The following MXI1 variants were observed in gnomAD, a reference collection of about 807,000 sequenced individuals.
The protein encoded by MXI1 is MAX interactor 1, dimerization protein, also known as max-interacting protein 1.
In MXI1, 18 loss-of-function variants were observed where a neutral mutation model predicts 36.9. The observed-to-expected ratio is 0.49, with a 90% CI of 0.34 to 0.72. MXI1 has a LOEUF of 0.72. Among genes scored for constraint, MXI1 ranks in the 30% least tolerant of loss-of-function variants. MXI1 has a pLI of 0.01. For missense variants in MXI1, 304 were observed against 379.1 expected (o/e 0.80, Z 1.64); for synonymous variants, 160 against 146.7 (o/e 1.09, Z -0.65).
intron 3 of MXI1, among the ~76,000 whole-genome samples, chr10:110,273,588 A>G (rs1856930376): frequency 6.6e-6 from 1 of 151,702 alleles, no homozygotes; most frequent in Non-Finnish European, 1.5e-5. Flanking sequence ...GTGTAGGAAA[A>G]GTAGCTAGCT....
chr10:110,224,714 C>G (rs760048978), intron 1 of MXI1, among the ~76,000 whole-genome samples: 14 of 146,188 alleles, frequency 9.6e-5, no homozygotes, highest in Non-Finnish European at 1.9e-4. Context: ...GTGGCGTGAT[C>G]TCGGCTCACT....
intron 2 of MXI1, among the ~76,000 whole-genome samples, chr10:110,242,952 C>T (rs1855728125): frequency 6.6e-6 from 1 of 151,844 alleles, no homozygotes; most frequent in Admixed American, 6.6e-5. Context: ...TTTTAGTTTT[C>T]TTCTCAGAGA....
chr10:110,222,159 A>G (rs10787226), intron 1 of MXI1, among the ~76,000 whole-genome samples: 82,056 of 151,968 alleles, frequency 0.54, 25,933 homozygotes, highest in African/African-American at 0.85. Context: ...TTGGGATGGG[A>G]GATGGAAAAA....
Position 110,212,980 on chromosome 10 carries a change from ATCCT to A in MXI1, c.274+4900_274+4903del, listed in dbSNP as rs1353291986. On this transcript the variant is annotated intron_variant, in intron 1 of 5. Transcript: ENST00000332674. ...CACACCACTGGGCATACAGTAGTAG[ATCCT>A]TAATATAAATGTTTTGATTGGTTAG... is the stretch of plus-strand genomic sequence containing the variant. 2.0e-5 allele frequency among the ~76,000 whole-genome samples: 3 copies of A among 152,180 alleles called. No individual in the cohort carries two copies. The East Asian group carries it at 5.8e-4, about 29-fold the overall frequency.
intron 2 of MXI1, among the ~76,000 whole-genome samples, chr10:110,238,874 A>G (rs1453549423): frequency 6.6e-6 from 1 of 152,194 alleles, no homozygotes; most frequent in Non-Finnish European, 1.5e-5. Context: ...TAAAGTTGTT[A>G]ATAATATTCT....
At chr10:110,248,973 T>C (rs1855971442) in intron 3 of MXI1, among the ~76,000 whole-genome samples, 1 of 152,158 alleles carries the variant, frequency 6.6e-6, no homozygotes, top group African/African-American at 2.4e-5. Flanking sequence ...GGAGGTGGTT[T>C]AGCAAGAAGG....
chr10:110,244,884 C>T (rs777473934), intron 3 of MXI1, 27 bp downstream of exon 3: 7 of 1,600,766 alleles, frequency 4.4e-6, no homozygotes, highest in Non-Finnish European at 6.0e-6. Flanking sequence ...GTACAGCTTT[C>T]ACTTACGTTT....
At chr10:110,267,800 A>G (rs1356207460) in intron 3 of MXI1, among the ~76,000 whole-genome samples, 3 of 152,238 alleles carry the variant, frequency 2.0e-5, no homozygotes, top group African/African-American at 7.2e-5. Context: ...ATTGGGTCAG[A>G]TGAATGAGGG....
intron 2 of MXI1, among the ~76,000 whole-genome samples, chr10:110,230,034 G>C (rs1285770940): frequency 6.6e-6 from 1 of 151,974 alleles, no homozygotes; most frequent in East Asian, 1.9e-4. Context: ...TCTCACCAAG[G>C]TCCCTCCTTC....
At chr10:110,211,249 C>G (rs966765961) in intron 1 of MXI1, among the ~76,000 whole-genome samples, 1 of 152,146 alleles carries the variant, frequency 6.6e-6, no homozygotes, top group African/African-American at 2.4e-5. Context: ...TGGAGACAAA[C>G]TTCTTTCCTC....
Position 110,217,756 on chromosome 10 carries a change from T to A in MXI1, c.274+9674T>A, listed in dbSNP as rs370941906. ...CTCCAGTTCCAGGTCTATCTTCTAG[T>A]TCAAATGATAGACGAATAGAAATCA... On this transcript the variant is annotated intron_variant, in intron 1 of 5. Coordinates refer to ENST00000332674, the MANE Select transcript of MXI1 (RefSeq NM_130439.3). Among the ~76,000 whole-genome samples the A allele has an allele frequency of 2.2e-4, 34 of 152,358 alleles. 1 individual carries two copies. The South Asian group carries it at 7.0e-3, about 32-fold the overall frequency.
chr10:110,226,115 T>G, intron 1 of MXI1: 1 of 1,216,094 alleles, frequency 8.2e-7, no homozygotes, highest in East Asian at 3.5e-5. Flanking sequence ...CCGTCGCACA[T>G]GTTCCGGAAC....
At chr10:110,221,824 G>A (rs1387341767) in intron 1 of MXI1, among the ~76,000 whole-genome samples, 3 of 152,078 alleles carry the variant, frequency 2.0e-5, no homozygotes, top group African/African-American at 4.8e-5. Flanking sequence ...CCCACCCCAT[G>A]TCCTTTCCCT....
chr10:110,242,795 C>T (rs78715726), intron 2 of MXI1, among the ~76,000 whole-genome samples: 2 of 152,040 alleles, frequency 1.3e-5, no homozygotes, highest in Non-Finnish European at 2.9e-5. Flanking sequence ...GCACTGATGG[C>T]TGTCAGTGGG....
rs1857417445 is a variant in MXI1, at chr10:110,285,920, A to T, written c.*933A>T. Reference sequence around the variant, plus strand: ...ACTGTTTATATGTGTTGAAAACCAAAATGACATCTTTTTAAAGCTTATCCA... The same window carrying T: ...ACTGTTTATATGTGTTGAAAACCAATATGACATCTTTTTAAAGCTTATCCA... On this transcript the variant is annotated 3_prime_UTR_variant, in exon 6 of 6. Coordinates refer to ENST00000332674, the MANE Select transcript of MXI1 (RefSeq NM_130439.3). The T allele has an allele frequency of 6.6e-6, 1 of 152,634 alleles. No homozygotes were observed. The highest frequency in any genetic ancestry group is 6.5e-5 in the Admixed American group (1 of 15,286). The allele number at this position is 152,634 out of a possible 1,614,324, so 9.5% of individuals were successfully genotyped here.
intron 2 of MXI1, among the ~76,000 whole-genome samples, chr10:110,235,690 A>AAAATAAAT (rs60672702): frequency 1.1e-3 from 161 of 149,192 alleles, no homozygotes; most frequent in African/African-American, 3.7e-3. Flanking sequence ...TCTGTCTCAA[A>AAAATAAAT]AAATAAATAA....
At chr10:110,227,599 G>C in intron 1 of MXI1, 7 of 932,888 alleles carry the variant, frequency 7.5e-6, no homozygotes, top group Non-Finnish European at 7.7e-6. Context: ...CAGGGGAAGG[G>C]ACGAGGCCGG....
At chr10:110,276,763 C>T (rs374964569) in intron 3 of MXI1, among the ~76,000 whole-genome samples, 9 of 151,814 alleles carry the variant, frequency 5.9e-5, no homozygotes, top group Admixed American at 3.3e-4. Flanking sequence ...TATCACAAAA[C>T]GGAAAATAGA....
chr10:110,207,968 A>G lies in MXI1; in HGVS notation c.160A>G (p.Ile54Val), dbSNP rs375415690. Reference sequence around the variant, plus strand: ...CAAGCCCAGGTGCCCCTTCTCAGACATTTTCAACACCAGCGAGAACTCGAT... The same window carrying G: ...CAAGCCCAGGTGCCCCTTCTCAGACGTTTTCAACACCAGCGAGAACTCGAT... Reference protein sequence around the residue: ...GAKPRCPFSDIFNTSENSMEK... With the variant: ...GAKPRCPFSDVFNTSENSMEK... The change falls in exon 1 of 6, where the codon ATT becomes GTT. Residue 54 changes from isoleucine (I) to valine (V), a missense_variant. Physicochemically the swap from Ile to Val is conservative, Grantham distance 29. This residue lies in a region of MXI1 where 179 missense variants were observed against 184.8 expected (regional missense o/e 0.97). Coordinates refer to ENST00000332674, the MANE Select transcript of MXI1 (RefSeq NM_130439.3). 4 of 1,594,442 alleles carry G rather than the reference A, an allele frequency of 2.5e-6. No homozygotes were observed. The South Asian group carries it at 3.4e-5, about 13-fold the overall frequency.
Sources: gnomAD v4.1 joint callset for allele counts (sites outside exome capture counted in the v4.1 genomes callset) on GRCh38, gnomAD v4.1.1 for gene constraint, gnomAD v4.1.1 regional missense constraint, MANE v1.5 for transcripts, NCBI Gene and HGNC (gene_info 2026-07-23, HGNC 2026-07-21) for gene names.